The following OR1J2 variants were observed in gnomAD, a reference collection of about 807,000 sequenced individuals.
OR1J2 encodes olfactory receptor 1J2.
For synonymous variants in OR1J2, 142 were observed against 99.7 expected, an observed-to-expected ratio of 1.42 and a Z score of -2.52; for missense variants, 304 against 246.1, an observed-to-expected ratio of 1.24 and a Z score of -1.57.
the OR1J2 span, among the ~76,000 whole-genome samples, chr9:122,463,564 G>A: frequency 1.3e-5 from 2 of 152,190 alleles, no homozygotes; most frequent in African/African-American, 4.8e-5. Context: ...CTATGTCAGA[G>A]GGAAGTTTGG....
At chr9:122,552,259 A>G in the OR1J2 span, among the ~76,000 whole-genome samples, 13 of 152,268 alleles carry the variant, frequency 8.5e-5, no homozygotes, top group African/African-American at 3.1e-4. Flanking sequence ...CAAGATCAAT[A>G]TGAAATGGTT....
the OR1J2 span, among the ~76,000 whole-genome samples, chr9:122,450,430 C>CA: frequency 2.7e-5 from 4 of 149,782 alleles, no homozygotes; most frequent in African/African-American, 7.4e-5. Context: ...GACACTGTCT[C>CA]AAAAAAAAAT....
chr9:122,568,267 CAGTG>C, the OR1J2 span: 1 of 1,614,002 alleles, frequency 6.2e-7, no homozygotes. Flanking sequence ...AAGCAAATAT[CAGTG>C]AGAGACAGAA....
At chr9:122,469,655 G>C in the OR1J2 span, among the ~76,000 whole-genome samples, 24 of 152,314 alleles carry the variant, frequency 1.6e-4, no homozygotes, top group Non-Finnish European at 2.8e-4. Context: ...GGGCTCAGAA[G>C]AAGACAGGAA....
the OR1J2 span, among the ~76,000 whole-genome samples, chr9:122,463,928 A>C: frequency 6.6e-6 from 1 of 152,172 alleles, no homozygotes; most frequent in South Asian, 2.1e-4. Flanking sequence ...CGCTTTCAAG[A>C]GCACATGAGC....
At chr9:122,482,141 A>G in the OR1J2 span, among the ~76,000 whole-genome samples, 117 of 152,306 alleles carry the variant, frequency 7.7e-4, no homozygotes, top group African/African-American at 2.8e-3. Flanking sequence ...TCCAGAATAT[A>G]TAAGGAACTG....
At chr9:122,496,015 A>G in the OR1J2 span, among the ~76,000 whole-genome samples, 1 of 152,202 alleles carries the variant, frequency 6.6e-6, no homozygotes, top group African/African-American at 2.4e-5. Flanking sequence ...GGGAGTATCT[A>G]CAAAGAGTAC....
At chr9:122,553,800 G>A in the OR1J2 span, 1 of 1,614,106 alleles carries the variant, frequency 6.2e-7, no homozygotes, top group Non-Finnish European at 8.5e-7. Context: ...AGATACCCAT[G>A]TAAACGAGCT....
At chr9:122,517,639 GAC>G in the OR1J2 span, among the ~76,000 whole-genome samples, 1 of 152,088 alleles carries the variant, frequency 6.6e-6, no homozygotes, top group South Asian at 2.1e-4. Flanking sequence ...TTTCAATTAA[GAC>G]ACAGTGGCAC....
the OR1J2 span, among the ~76,000 whole-genome samples, chr9:122,460,027 G>C: frequency 2.0e-5 from 3 of 151,952 alleles, no homozygotes; most frequent in Admixed American, 6.6e-5. Flanking sequence ...TCCCACTTAT[G>C]AGTGACAACA....
chr9:122,543,463 A>G, the OR1J2 span, among the ~76,000 whole-genome samples: 1 of 152,174 alleles, frequency 6.6e-6, no homozygotes, highest in African/African-American at 2.4e-5. Context: ...TCAGCCTCCC[A>G]AAGTGCTGAG....
At chr9:122,579,285 A>G in the OR1J2 span, among the ~76,000 whole-genome samples, 1 of 151,984 alleles carries the variant, frequency 6.6e-6, no homozygotes, top group Non-Finnish European at 1.5e-5. Flanking sequence ...AATTTGAAAC[A>G]TTTTAATTGA....
At chr9:122,575,156 T>C in the OR1J2 span, among the ~76,000 whole-genome samples, 1 of 152,132 alleles carries the variant, frequency 6.6e-6, no homozygotes, top group African/African-American at 2.4e-5. Flanking sequence ...GTTTATAGTT[T>C]TCTTATAATG....
the OR1J2 span, among the ~76,000 whole-genome samples, chr9:122,474,057 C>G: frequency 2.0e-5 from 3 of 152,250 alleles, no homozygotes; most frequent in Non-Finnish European, 2.9e-5. Flanking sequence ...GTCTATCTGG[C>G]TACAAGTCTC....
the OR1J2 span, among the ~76,000 whole-genome samples, chr9:122,500,548 T>G: frequency 6.6e-6 from 1 of 152,202 alleles, no homozygotes; most frequent in Non-Finnish European, 1.5e-5. Flanking sequence ...TTTAACATTT[T>G]TTAGGTAAAG....
chr9:122,574,911 G>GTGTT, the OR1J2 span, among the ~76,000 whole-genome samples: 4 of 151,962 alleles, frequency 2.6e-5, no homozygotes, highest in African/African-American at 9.7e-5. Flanking sequence ...TCATAGATGG[G>GTGTT]TGTTGGAGTT....
At chr9:122,548,803 T>TTTGTTGTTG in the OR1J2 span, among the ~76,000 whole-genome samples, 92 of 140,296 alleles carry the variant, frequency 6.6e-4, no homozygotes, top group African/African-American at 1.1e-3. Context: ...TCCTGTGTGT[T>TTTGTTGTTG]TTGTTGTTGT....
chr9:122,553,592 G>A, the OR1J2 span: 1 of 1,613,908 alleles, frequency 6.2e-7, no homozygotes, highest in African/African-American at 1.3e-5. Context: ...ACCGCTATGT[G>A]GCCATCTGCC....
At chr9:122,519,728 G>A in the OR1J2 span, 1 of 1,614,058 alleles carries the variant, frequency 6.2e-7, no homozygotes, top group South Asian at 1.1e-5. Context: ...CCCTCAATGA[G>A]CTGGTCATTT....
Sources: gnomAD v4.1 joint callset for allele counts (sites outside exome capture counted in the v4.1 genomes callset) on GRCh38, gnomAD v4.1.1 for gene constraint, MANE v1.5 for transcripts, NCBI Gene and HGNC (gene_info 2026-07-23, HGNC 2026-07-21) for gene names.